The following SORL1 variants were observed in gnomAD, a reference collection of about 807,000 sequenced individuals.
SORL1 encodes the protein sortilin-related receptor.
A neutral mutation model predicts 273.7 loss-of-function variants in SORL1; 127 were observed. The observed-to-expected ratio is 0.46, with a 90% CI of 0.40 to 0.54. The LOEUF is 0.54. Among genes scored for constraint, SORL1 ranks in the 20% least tolerant of loss-of-function variants. The pLI is 0.00. For synonymous variants in SORL1, 1,031 were observed against 1,067.4 expected, an observed-to-expected ratio of 0.97 and a Z score of 0.66; for missense variants, 2,494 against 2,846.1, an observed-to-expected ratio of 0.88 and a Z score of 2.81.
chr11:121,545,325 T>A lies in SORL1; in HGVS notation c.1947T>A (p.Thr649=). ...ATGAGTGTTTGCTGGGACACAAGAC[T>A]GTTTTCAAACGGCGGACCCCCCATG... is the stretch of plus-strand genomic sequence containing the variant. The part of the protein sequence containing the change: ...RGNECLLGHK[T]VFKRRTPHAT... Residue 649 remains threonine, a synonymous_variant, in exon 14 of 48, where the codon ACT becomes ACA. Transcript: ENST00000260197. The A allele has an allele frequency of 6.2e-7, 1 of 1,614,184 alleles. No homozygotes were observed. Among genetic ancestry groups the A allele is most frequent in the Middle Eastern group, 1.6e-4 (1 of 6,062 alleles).
chr11:121,487,974 G>A, intron 3 of SORL1, 58 bp from the exon 4 acceptor site: 1 of 1,582,356 alleles, frequency 6.3e-7, no homozygotes, highest in South Asian at 1.1e-5. Context: ...ATGGTTTAGG[G>A]GAGTGTTGGG....
chr11:121,596,574 T>C lies in SORL1; in HGVS notation c.4519+802T>C, dbSNP rs1863298536. Reference sequence around the variant, plus strand: ...TGCCTCTCTGACGGTTGGGTGCTGCTCTGGCTCGGGGATCCCTGCTTTGCG... The same window carrying C: ...TGCCTCTCTGACGGTTGGGTGCTGCCCTGGCTCGGGGATCCCTGCTTTGCG... On this transcript the variant is annotated intron_variant, in intron 32 of 47. Coordinates refer to ENST00000260197, the MANE Select transcript of SORL1 (RefSeq NM_003105.6). The surrounding 1 kb of genome is among the most constrained non-coding windows in gnomAD (Gnocchi z 4.3). 6.6e-6 allele frequency among the ~76,000 whole-genome samples: 1 copy of C among 152,206 alleles called. No homozygotes were observed. The highest frequency in any genetic ancestry group is 6.5e-5 in the Admixed American group (1 of 15,278).
intron 8 of SORL1, among the ~76,000 whole-genome samples, chr11:121,518,726 C>T (rs1436389064): frequency 1.3e-5 from 2 of 152,178 alleles, no homozygotes; most frequent in African/African-American, 4.8e-5. Flanking sequence ...CGGCACTCTG[C>T]TCAGTCCCTC....
At position 121,452,694 on chromosome 11, in the gene SORL1, A is replaced by C; in HGVS notation, c.285+78A>C. 1 of 1,297,250 alleles carries C rather than the reference A, an allele frequency of 7.7e-7. No individual in the cohort carries two copies. Among genetic ancestry groups the C allele is most frequent in the Non-Finnish European group, 1.0e-6 (1 of 1,003,602 alleles). 80.4% of individuals were successfully genotyped at this position (1,297,250 alleles called of 1,614,324 possible). On this transcript the variant is annotated intron_variant, in intron 1 of 47. Transcript: ENST00000260197. The surrounding 1 kb of genome is among the most constrained non-coding windows in gnomAD (Gnocchi z 5.3). ...CCTCACCCCCGCATCCATCCGTTGC[A>C]GTCGCCTCCTAGGTGCAGGCACCAC...
At chr11:121,561,917 G>A (rs1862682150) in intron 21 of SORL1, among the ~76,000 whole-genome samples, 1 of 152,130 alleles carries the variant, frequency 6.6e-6, no homozygotes, top group Non-Finnish European at 1.5e-5. Context: ...AGACGTTTTT[G>A]TCTTTCTCTG....
rs1862708412 is a variant in SORL1, at chr11:121,563,518, C to G, written c.3050-3422C>G. 1.3e-5 allele frequency among the ~76,000 whole-genome samples: 2 copies of G among 152,276 alleles called. No homozygotes were observed. The highest frequency in any genetic ancestry group is 2.4e-5 in the African/African-American group (1 of 41,554). On this transcript the variant is annotated intron_variant, in intron 21 of 47. Transcript: ENST00000260197. This position sits in a 1 kb window ranked among gnomAD's most constrained non-coding sequence, Gnocchi z 4.2. ...TCAAGCAATTCTCATGCCTCAGCCTCCTAAGTAGCTGGGACTAAAGGCATG... is the reference window on the plus strand; with the variant it reads ...TCAAGCAATTCTCATGCCTCAGCCTGCTAAGTAGCTGGGACTAAAGGCATG...
At chr11:121,599,195 A>G (rs914793861) in intron 32 of SORL1, among the ~76,000 whole-genome samples, 1 of 152,208 alleles carries the variant, frequency 6.6e-6, no homozygotes, top group East Asian at 1.9e-4. Flanking sequence ...AGATAATTTG[A>G]TATCTCTTGA....
At chr11:121,621,266 C>T (rs1177065136) in intron 44 of SORL1, 28 bp downstream of exon 44, 2 of 1,597,568 alleles carry the variant, frequency 1.3e-6, no homozygotes, top group Admixed American at 1.7e-5. Context: ...TAGAGGTCTT[C>T]TCACACAGCC....
At chr11:121,462,542 A>G (rs1198745550) in intron 1 of SORL1, among the ~76,000 whole-genome samples, 2 of 152,166 alleles carry the variant, frequency 1.3e-5, no homozygotes, top group Non-Finnish European at 2.9e-5. Flanking sequence ...TTTCCCTACT[A>G]TATTCAGAGC....
intron 2 of SORL1, among the ~76,000 whole-genome samples, chr11:121,477,670 C>T (rs1252547742): frequency 6.6e-6 from 1 of 152,180 alleles, no homozygotes; most frequent in Non-Finnish European, 1.5e-5. Flanking sequence ...TATCTGGTAA[C>T]ATCTGTCATT....
chr11:121,532,827 GC>G (rs1265367479), intron 12 of SORL1, among the ~76,000 whole-genome samples: 1 of 151,910 alleles, frequency 6.6e-6, no homozygotes, highest in African/African-American at 2.4e-5. Flanking sequence ...GGGATTACAG[GC>G]ACCTGCCACC....
intron 6 of SORL1, among the ~76,000 whole-genome samples, chr11:121,508,315 A>G (rs188459081): frequency 6.6e-6 from 1 of 152,192 alleles, no homozygotes; most frequent in Admixed American, 6.5e-5. Context: ...TCCCAGGAAT[A>G]CTCATCTAGA....
chr11:121,537,883 C>T (rs892756021), intron 12 of SORL1, among the ~76,000 whole-genome samples: 1 of 152,194 alleles, frequency 6.6e-6, no homozygotes, highest in African/African-American at 2.4e-5. Context: ...GCATGAAAGC[C>T]TTTCAAGTAT....
intron 12 of SORL1, among the ~76,000 whole-genome samples, chr11:121,539,702 G>A (rs1862318912): frequency 6.8e-6 from 1 of 147,970 alleles, no homozygotes. Context: ...TATTTCTTTT[G>A]TTTTCAGCTT....
At chr11:121,509,866 A>G (rs557281002) in intron 6 of SORL1, among the ~76,000 whole-genome samples, 6 of 152,344 alleles carry the variant, frequency 3.9e-5, no homozygotes, top group South Asian at 4.1e-4. Flanking sequence ...ATTAGATTCA[A>G]ATATTTAAAT....
At position 121,595,711 on chromosome 11, in the gene SORL1, C is replaced by T. The variant is rs1225669797; in HGVS notation, c.4458C>T (p.Pro1486=). 1 of 1,614,070 alleles carries T rather than the reference C, an allele frequency of 6.2e-7. No homozygotes were observed. Among genetic ancestry groups the T allele is most frequent in the East Asian group, 2.2e-5 (1 of 44,884 alleles). Residue 1486 remains proline (P), a synonymous_variant, in exon 32 of 48, where the codon CCC becomes CCT. Coordinates refer to ENST00000260197, the MANE Select transcript of SORL1 (RefSeq NM_003105.6). This position sits in a 1 kb window ranked among gnomAD's most constrained non-coding sequence, Gnocchi z 5.1. ...FECHQPKTCI[P]NWKRCDGHQD... ...GCCACCAACCGAAGACGTGTATTCCCAACTGGAAGCGCTGTGACGGCCACC... is the reference window on the plus strand; with the variant it reads ...GCCACCAACCGAAGACGTGTATTCCTAACTGGAAGCGCTGTGACGGCCACC...
At chr11:121,607,952 C>T in intron 37 of SORL1, 152 bp from the exon 38 acceptor site, 1 of 595,400 alleles carries the variant, frequency 1.7e-6, no homozygotes, top group East Asian at 2.9e-5. Flanking sequence ...ATTTCAGATG[C>T]TGGGGCCTCT....
Position 121,627,891 on chromosome 11 carries a change from G to C in SORL1, c.6577+124G>C. 1 of 646,316 alleles carries C rather than the reference G, an allele frequency of 1.5e-6. No individual in the cohort carries two copies. Among genetic ancestry groups the C allele is most frequent in the Non-Finnish European group, 2.7e-6 (1 of 376,860 alleles). 40.0% of individuals were successfully genotyped at this position (646,316 alleles called of 1,614,324 possible). On this transcript the variant is annotated intron_variant, in intron 47 of 47. Coordinates refer to ENST00000260197, the MANE Select transcript of SORL1 (RefSeq NM_003105.6). This position sits in a 1 kb window ranked among gnomAD's most constrained non-coding sequence, Gnocchi z 4.9. ...CCCTGGAGGAGCTCTTCATCAGCCA[G>C]CGATTTGATTCCATGAGTTTTGGTT...
chr11:121,583,582 T>C lies in SORL1; in HGVS notation c.3705T>C (p.Cys1235=), dbSNP rs775576285. The change falls in exon 26 of 48, where the codon TGT becomes TGC. Residue 1235 remains cysteine (C), a splice_region_variant and synonymous_variant. Coordinates refer to ENST00000260197, the MANE Select transcript of SORL1 (RefSeq NM_003105.6). ...QDGSDEDPVN[C]EKKCNGFRCP... is the part of the protein sequence containing the mutation. ...GTTCCGATGAGGATCCAGTCAACTGTGGTAAATGCAAATTCCCCAGCTCCC... is the reference window on the plus strand; with the variant it reads ...GTTCCGATGAGGATCCAGTCAACTGCGGTAAATGCAAATTCCCCAGCTCCC... The C allele has an allele frequency of 3.1e-6, 5 of 1,605,442 alleles. No individual in the cohort carries two copies. Among genetic ancestry groups the C allele is most frequent in the East Asian group, 2.3e-5 (1 of 43,848 alleles).
Sources: allele counts gnomAD v4.1 joint callset (sites outside exome capture counted in the v4.1 genomes callset), GRCh38; gene constraint gnomAD v4.1.1; non-coding constraint Gnocchi (gnomAD v3.1); transcripts MANE v1.5; gene names NCBI Gene and HGNC (gene_info 2026-07-23, HGNC 2026-07-21).